Variants in HIVEP2 observed in about 807,000 individuals in gnomAD.
The protein encoded by HIVEP2 is transcription factor HIVEP2.
In HIVEP2, 14 loss-of-function variants were observed where a neutral mutation model predicts 180.7. The ratio of observed to expected loss-of-function variants is 0.08; its 90% CI spans 0.05 to 0.12. The LOEUF is 0.12. HIVEP2 is among the 10% of genes least tolerant of loss of function. The pLI is 1.00. For missense variants in HIVEP2, 2,579 were observed against 3,008.5 expected, an observed-to-expected ratio of 0.86 and a Z score of 3.34; for synonymous variants, 1,184 against 1,136.4, an observed-to-expected ratio of 1.04 and a Z score of -0.84.
intron 2 of HIVEP2, among the ~76,000 whole-genome samples, chr6:142,801,873 G>C (rs555737457): frequency 2.0e-5 from 3 of 152,108 alleles, no homozygotes; most frequent in Non-Finnish European, 4.4e-5. Flanking sequence ...TAGTTCATTT[G>C]TATTCATCTT....
intron 1 of HIVEP2, among the ~76,000 whole-genome samples, chr6:142,876,316 T>C (rs887077322): frequency 6.6e-6 from 1 of 152,196 alleles, no homozygotes; most frequent in Non-Finnish European, 1.5e-5. Flanking sequence ...AAAACAGGTC[T>C]CTGGATTCCA....
chr6:142,866,472 C>T (rs571399537), intron 1 of HIVEP2, among the ~76,000 whole-genome samples: 108 of 152,216 alleles, frequency 7.1e-4, no homozygotes, highest in African/African-American at 2.5e-3. Context: ...TCCACATCTG[C>T]TGTGAAATTT....
intron 1 of HIVEP2, among the ~76,000 whole-genome samples, chr6:142,909,556 CA>C (rs1777350438): frequency 6.6e-6 from 1 of 152,124 alleles, no homozygotes; most frequent in Non-Finnish European, 1.5e-5. Context: ...TATACACCAA[CA>C]TTTTTTGAGA....
At chr6:142,809,747 C>T (rs1776643185) in intron 2 of HIVEP2, among the ~76,000 whole-genome samples, 1 of 152,056 alleles carries the variant, frequency 6.6e-6, no homozygotes, top group African/African-American at 2.4e-5. Context: ...GTGCCCACCA[C>T]CATGTCCTGC....
At chr6:142,831,404 C>T (rs890323899) in intron 2 of HIVEP2, among the ~76,000 whole-genome samples, 8 of 152,082 alleles carry the variant, frequency 5.3e-5, no homozygotes, top group Admixed American at 3.3e-4. Context: ...GTGACTGCTG[C>T]CCCCCACCCC....
chr6:142,894,772 T>C (rs1172367508), intron 1 of HIVEP2, among the ~76,000 whole-genome samples: 1 of 152,172 alleles, frequency 6.6e-6, no homozygotes, highest in African/African-American at 2.4e-5. Context: ...GACAAGGGCA[T>C]AGAGCTAGTT....
At chr6:142,793,671 CTT>C (rs1491378798) in intron 2 of HIVEP2, among the ~76,000 whole-genome samples, 163 of 123,468 alleles carry the variant, frequency 1.3e-3, no homozygotes, top group Non-Finnish European at 1.5e-3. Context: ...TTCTTTCTTT[CTT>C]TCTCTCTCTC....
At position 142,886,669 on chromosome 6, in the gene HIVEP2, AC is replaced by A. The variant is rs149779267; in HGVS notation, c.-640-49623del. ...TAATTGTGGACAGGTTTCCATTGTT[AC>A]CCAGTTAATTATTAGCCATAGAAAT... is the stretch of plus-strand genomic sequence containing the variant. On this transcript the variant is annotated intron_variant, in intron 1 of 9. Coordinates refer to ENST00000367603, the MANE Select transcript of HIVEP2 (RefSeq NM_006734.4). Among the ~76,000 whole-genome samples the A allele has an allele frequency of 2.8e-3, 421 of 152,302 alleles. 2 individuals are homozygous for A. Among genetic ancestry groups the A allele is most frequent in the African/African-American group, 8.3e-3 (346 of 41,568 alleles).
At chr6:142,934,506 G>A (rs573274320) in intron 1 of HIVEP2, among the ~76,000 whole-genome samples, 94 of 152,254 alleles carry the variant, frequency 6.2e-4, no homozygotes, top group Non-Finnish European at 1.2e-3. Context: ...ACCCAAAAAG[G>A]CTACATCTCT....
In HIVEP2 at chr6:142,891,717, A is replaced by G. The variant is rs1405425659; in HGVS notation, c.-641+53382T>C. On this transcript the variant is annotated intron_variant, in intron 1 of 9. Coordinates refer to ENST00000367603, the MANE Select transcript of HIVEP2 (RefSeq NM_006734.4). ...ATGAGAGACTTTGAGTCACTCACAG[A>G]TACCACCTAGCTTTTAAAACTCTTA... Among the ~76,000 whole-genome samples the G allele has an allele frequency of 1.3e-5, 2 of 152,300 alleles. 1 individual carries two copies. The highest frequency in any genetic ancestry group is 3.9e-4 in the East Asian group (2 of 5,188).
chr6:142,869,380 A>AAT (rs1156326639), intron 1 of HIVEP2, among the ~76,000 whole-genome samples: 1 of 152,206 alleles, frequency 6.6e-6, no homozygotes, highest in East Asian at 1.9e-4. Context: ...TCATTTGATA[A>AAT]ATATATATAG....
intron 1 of HIVEP2, among the ~76,000 whole-genome samples, chr6:142,847,529 A>AT (rs1356093958): frequency 6.6e-6 from 1 of 152,224 alleles, no homozygotes; most frequent in Non-Finnish European, 1.5e-5. Flanking sequence ...CAAACTCCTT[A>AT]TAAAAACCCT....
At chr6:142,887,910 T>C (rs1478214009) in intron 1 of HIVEP2, among the ~76,000 whole-genome samples, 1 of 150,382 alleles carries the variant, frequency 6.6e-6, no homozygotes, top group African/African-American at 2.5e-5. Flanking sequence ...TATTTAATTA[T>C]CTGGAAAGAA....
At chr6:142,881,322 CAAT>C (rs1776569905) in intron 1 of HIVEP2, among the ~76,000 whole-genome samples, 1 of 152,112 alleles carries the variant, frequency 6.6e-6, no homozygotes, top group Admixed American at 6.5e-5. Flanking sequence ...ATCATCATGT[CAAT>C]AATTTTTAAA....
rs540086713 is a variant in HIVEP2 at position 142,874,753 on chromosome 6, G to A, written c.-640-37706C>T. 4.2e-4 allele frequency among the ~76,000 whole-genome samples: 64 copies of A among 152,208 alleles called. No individual in the cohort carries two copies. In the South Asian group the frequency reaches 0.013, roughly 31 times the overall value. On this transcript the variant is annotated intron_variant, in intron 1 of 9. Coordinates refer to ENST00000367603, the MANE Select transcript of HIVEP2 (RefSeq NM_006734.4). ...AGGCCTGAAGATCTGAATAAACATG[G>A]TCCATTTATAGGACCTTAAGGAGGT... is the stretch of plus-strand genomic sequence containing the variant.
At chr6:142,880,868 G>A (rs1776560842) in intron 1 of HIVEP2, among the ~76,000 whole-genome samples, 1 of 152,122 alleles carries the variant, frequency 6.6e-6, no homozygotes, top group Non-Finnish European at 1.5e-5. Flanking sequence ...AATAAAATGT[G>A]TCTTCTCCCC....
chr6:142,778,168 T>A lies in HIVEP2; in HGVS notation c.-432-1977A>T, dbSNP rs1490303264. Among the ~76,000 whole-genome samples the A allele has an allele frequency of 7.2e-5, 11 of 152,362 alleles. No homozygotes were observed. The East Asian group carries it at 1.9e-3, about 27-fold the overall frequency. On this transcript the variant is annotated intron_variant, in intron 3 of 9. Coordinates refer to ENST00000367603, the MANE Select transcript of HIVEP2 (RefSeq NM_006734.4). ...TTTGCTAAAAAGTTTTGCTATTGGA[T>A]TTAATTTTTTGCTGTGCAATAATTT... is the stretch of plus-strand genomic sequence containing the variant.
chr6:142,887,040 T>C (rs1026278469), intron 1 of HIVEP2, among the ~76,000 whole-genome samples: 5 of 152,200 alleles, frequency 3.3e-5, no homozygotes, highest in African/African-American at 1.2e-4. Context: ...AAATGTTCAC[T>C]GGTGCCCTCT....
intron 1 of HIVEP2, among the ~76,000 whole-genome samples, chr6:142,858,439 G>A (rs1775884241): frequency 6.6e-6 from 1 of 152,060 alleles, no homozygotes; most frequent in Admixed American, 6.6e-5. Context: ...GCACTGCTCT[G>A]TTCACTCCTA....
Sources: gnomAD v4.1 joint callset for allele counts (sites outside exome capture counted in the v4.1 genomes callset) on GRCh38, gnomAD v4.1.1 for gene constraint, MANE v1.5 for transcripts, NCBI Gene and HGNC (gene_info 2026-07-23, HGNC 2026-07-21) for gene names.